The following TTC8 variants were observed in gnomAD, a reference collection of about 807,000 sequenced individuals.
TTC8 encodes the protein tetratricopeptide repeat domain 8.
A neutral mutation model predicts 72.5 loss-of-function variants in TTC8; 47 were observed. The observed-to-expected ratio is 0.65, with a 90% CI of 0.51 to 0.83. The LOEUF is 0.83. Among genes scored for constraint, TTC8 ranks in the 40% least tolerant of loss-of-function variants. TTC8 has a pLI of 0.00. For missense variants in TTC8, 611 were observed against 623.2 expected, an observed-to-expected ratio of 0.98 and a Z score of 0.21; for synonymous variants, 199 against 221.4, an observed-to-expected ratio of 0.90 and a Z score of 0.90.
At chr14:88,838,261 T>A (rs562856311) in intron 2 of TTC8, among the ~76,000 whole-genome samples, 1 of 152,356 alleles carries the variant, frequency 6.6e-6, no homozygotes, top group South Asian at 2.1e-4. Flanking sequence ...GTAGGTGATG[T>A]GTTCAGGGAA....
chr14:88,848,508 AT>A (rs561871570), intron 7 of TTC8, among the ~76,000 whole-genome samples: 26 of 152,284 alleles, frequency 1.7e-4, no homozygotes, highest in African/African-American at 6.3e-4. Context: ...TGTATTTGCA[AT>A]GGTGTTCATT....
chr14:88,851,023 A>G (rs953415673), intron 7 of TTC8, among the ~76,000 whole-genome samples: 5 of 152,182 alleles, frequency 3.3e-5, no homozygotes, highest in African/African-American at 7.2e-5. Context: ...TTAGTTGGCA[A>G]TTGGTTGAAA....
intron 2 of TTC8, among the ~76,000 whole-genome samples, chr14:88,836,736 T>C (rs1036281168): frequency 6.6e-6 from 1 of 152,136 alleles, no homozygotes; most frequent in African/African-American, 2.4e-5. Context: ...ACCAACTATA[T>C]AAATGCTGCT....
At chr14:88,849,860 G>T (rs1224900598) in intron 7 of TTC8, among the ~76,000 whole-genome samples, 2 of 152,028 alleles carry the variant, frequency 1.3e-5, no homozygotes, top group Non-Finnish European at 2.9e-5. Context: ...CAATATTGTT[G>T]GTATCGACAA....
At chr14:88,853,139 A>G (rs766172104) in intron 8 of TTC8, 83 bp downstream of exon 8, 2 of 969,184 alleles carry the variant, frequency 2.1e-6, no homozygotes, top group South Asian at 1.3e-5. Flanking sequence ...GGGGGGGGAG[A>G]TTTTCCCATG....
rs373162074 is a variant in TTC8, at chr14:88,842,329, A to T, written c.579+815A>T. On this transcript the variant is annotated intron_variant, in intron 6 of 14. Transcript: ENST00000380656. ...AATACCAAACACTCTAGAGAAAATTAAAATGGACACTAGCTGTACAGACTT... is the reference window on the plus strand; with the variant it reads ...AATACCAAACACTCTAGAGAAAATTTAAATGGACACTAGCTGTACAGACTT... 3.3e-5 allele frequency among the ~76,000 whole-genome samples: 5 copies of T among 152,352 alleles called. 1 individual carries two copies. The highest frequency in any genetic ancestry group is 9.6e-5 in the African/African-American group (4 of 41,574).
intron 1 of TTC8, among the ~76,000 whole-genome samples, chr14:88,833,381 G>T (rs1291764249): frequency 1.3e-5 from 2 of 151,846 alleles, no homozygotes. Flanking sequence ...TATTTCCTTG[G>T]TATAGTTATG....
chr14:88,848,621 A>G (rs138241779), intron 7 of TTC8, among the ~76,000 whole-genome samples: 83 of 152,322 alleles, frequency 5.4e-4, no homozygotes, highest in African/African-American at 1.6e-3. Context: ...AATCTTATGT[A>G]GCCATTAAAA....
At chr14:88,852,041 A>G (rs2094836155) in intron 7 of TTC8, among the ~76,000 whole-genome samples, 1 of 152,226 alleles carries the variant, frequency 6.6e-6, no homozygotes, top group Admixed American at 6.5e-5. Flanking sequence ...CTTGGATATC[A>G]TGATTATGTT....
intron 10 of TTC8, among the ~76,000 whole-genome samples, chr14:88,868,904 A>G (rs2094921980): frequency 6.6e-6 from 1 of 152,218 alleles, no homozygotes; most frequent in South Asian, 2.1e-4. Context: ...AGTGGATTTT[A>G]AATGTTCTTA....
intron 2 of TTC8, among the ~76,000 whole-genome samples, chr14:88,837,807 G>C (rs74075884): frequency 0.04 from 6,147 of 152,208 alleles, 373 homozygotes; most frequent in African/African-American, 0.12. Flanking sequence ...GATCTTTGAT[G>C]AGTGAAAACC....
intron 13 of TTC8, 140 bp downstream of exon 13, chr14:88,872,592 G>T: frequency 8.1e-7 from 1 of 1,238,334 alleles, no homozygotes; most frequent in Non-Finnish European, 1.1e-6. Flanking sequence ...CAGCTCTGTT[G>T]TGTATTAGCT....
intron 10 of TTC8, 124 bp downstream of exon 10, chr14:88,861,456 T>C: frequency 1.5e-6 from 1 of 673,108 alleles, no homozygotes; most frequent in East Asian, 2.9e-5. Flanking sequence ...AATTGAGTTA[T>C]CTATCACCTC....
At position 88,857,295 on chromosome 14, in the gene TTC8, T is replaced by G. The variant is rs1483023736; in HGVS notation, c.798+18T>G. The G allele has an allele frequency of 1.2e-6, 2 of 1,601,410 alleles. No homozygotes were observed. Among genetic ancestry groups the G allele is most frequent in the African/African-American group, 2.7e-5 (2 of 74,640 alleles). On this transcript the variant is annotated intron_variant, in intron 9 of 14. Transcript: ENST00000380656. ...TGGCAAAAGTAAGTAAATCTTAATTTGAGTGAAATCTGCCTTCTCAGAATA... is the reference window on the plus strand; with the variant it reads ...TGGCAAAAGTAAGTAAATCTTAATTGGAGTGAAATCTGCCTTCTCAGAATA...
chr14:88,843,143 T>C (rs76080331), intron 6 of TTC8, among the ~76,000 whole-genome samples: 1,688 of 152,256 alleles, frequency 0.011, 23 homozygotes, highest in African/African-American at 0.037. Context: ...GAGTGAAATA[T>C]TGGAAATAAT....
Position 88,870,131 on chromosome 14 carries a change from G to A in TTC8, c.982G>A (p.Ala328Thr). ...VLKQDNTHVE[A>T]IACIGSNHFY... Reference sequence around the variant, plus strand: ...GAAACAAGACAATACTCATGTGGAAGCCATCGCATGCATTGGAAGCAACCA... The same window carrying A: ...GAAACAAGACAATACTCATGTGGAAACCATCGCATGCATTGGAAGCAACCA... The change falls in exon 11 of 15, where the codon GCC (alanine) becomes ACC (threonine). Residue 328 changes from alanine to threonine, a missense_variant. Transcript: ENST00000380656. 6.2e-7 allele frequency: 1 copy of A among 1,614,028 alleles called. No homozygotes were observed. Among genetic ancestry groups the A allele is most frequent in the Non-Finnish European group, 8.5e-7 (1 of 1,179,924 alleles).
intron 8 of TTC8, among the ~76,000 whole-genome samples, chr14:88,854,810 G>A (rs2094848919): frequency 6.6e-6 from 1 of 152,082 alleles, no homozygotes; most frequent in East Asian, 1.9e-4. Flanking sequence ...AGTCTCCCAA[G>A]CTGGGATTAC....
rs17700296 is a variant in TTC8 at position 88,840,976 on chromosome 14, T to C, written c.329+48T>C. The C allele has an allele frequency of 0.23, 375,463 of 1,613,606 alleles. 45,603 individuals are homozygous for C. Among genetic ancestry groups the C allele is most frequent in the East Asian group, 0.32 (14,202 of 44,868 alleles). On this transcript the variant is annotated intron_variant, in intron 4 of 14. Transcript: ENST00000380656. ...CTCTGCCACTAAATATTGATCAGAC[T>C]GTATGAGAGTCTTTCCTCAAATGAT...
At chr14:88,851,959 G>A (rs902502835) in intron 7 of TTC8, among the ~76,000 whole-genome samples, 1 of 152,198 alleles carries the variant, frequency 6.6e-6, no homozygotes, top group Non-Finnish European at 1.5e-5. Flanking sequence ...TTGGTATTAA[G>A]AAGTGGACAG....
Sources: gnomAD v4.1 joint callset for allele counts (sites outside exome capture counted in the v4.1 genomes callset) on GRCh38, gnomAD v4.1.1 for gene constraint, MANE v1.5 for transcripts, NCBI Gene and HGNC (gene_info 2026-07-23, HGNC 2026-07-21) for gene names.